Variants in SDK1 observed in about 807,000 individuals in gnomAD.
SDK1 encodes sidekick cell adhesion molecule 1.
A neutral mutation model predicts 245.5 loss-of-function variants in SDK1; 157 were observed. That is an observed-to-expected ratio of 0.64 (90% CI 0.56 to 0.73). The LOEUF is 0.73. Ranked by LOEUF, SDK1 falls within the 30% of genes least tolerant of loss-of-function variation. The pLI, the probability that SDK1 is intolerant of heterozygous loss-of-function variation, is 0.00. For synonymous variants in SDK1, 1,647 were observed against 1,278.5 expected, an observed-to-expected ratio of 1.29 and a Z score of -6.15; for missense variants, 3,583 against 3,002.3, an observed-to-expected ratio of 1.19 and a Z score of -4.52.
At chr7:3,979,384 C>G (rs1483232837) in intron 13 of SDK1, among the ~76,000 whole-genome samples, 1 of 152,134 alleles carries the variant, frequency 6.6e-6, no homozygotes, top group Non-Finnish European at 1.5e-5. Context: ...ACTTTCTAGC[C>G]CTTTACCCTG....
intron 4 of SDK1, 49 bp from the exon 5 acceptor site, chr7:3,821,401 G>T: frequency 6.4e-7 from 1 of 1,570,516 alleles, no homozygotes. Flanking sequence ...TTACAAGTAG[G>T]AAGTTCCCTG....
chr7:4,188,981 G>A (rs534291828), intron 35 of SDK1, among the ~76,000 whole-genome samples: 107 of 152,016 alleles, frequency 7.0e-4, no homozygotes, highest in Non-Finnish European at 1.2e-3. Flanking sequence ...GTTTAGGAGG[G>A]CTTGTCTTAT....
At chr7:3,972,436 G>C (rs1296529245) in intron 12 of SDK1, among the ~76,000 whole-genome samples, 2 of 152,180 alleles carry the variant, frequency 1.3e-5, no homozygotes, top group Non-Finnish European at 2.9e-5. Context: ...GGCCAGGAAA[G>C]TAACTGCAAA....
chr7:3,956,425 G>A (rs1781266866), intron 7 of SDK1, among the ~76,000 whole-genome samples: 1 of 152,176 alleles, frequency 6.6e-6, no homozygotes, highest in Non-Finnish European at 1.5e-5. Context: ...AGGAAGGGTT[G>A]GCAGGGAGAG....
At chr7:4,139,611 G>A (rs1406094799) in intron 28 of SDK1, among the ~76,000 whole-genome samples, 8 of 47,076 alleles carry the variant, frequency 1.7e-4, no homozygotes, top group South Asian at 1.0e-3. Context: ...ATATGTGTGT[G>A]TATATGTGTG....
At chr7:3,695,116 A>C (rs1784536011) in intron 4 of SDK1, among the ~76,000 whole-genome samples, 2 of 152,108 alleles carry the variant, frequency 1.3e-5, no homozygotes, top group African/African-American at 4.8e-5. Flanking sequence ...TACATAAGTC[A>C]CTCTTTCTTA....
intron 5 of SDK1, among the ~76,000 whole-genome samples, chr7:3,924,060 G>A (rs148122381): frequency 6.6e-6 from 1 of 152,174 alleles, no homozygotes; most frequent in African/African-American, 2.4e-5. Flanking sequence ...GTGCAGAATG[G>A]GAGGCTCAAA....
At chr7:3,490,855 C>G (rs1451473654) in intron 1 of SDK1, among the ~76,000 whole-genome samples, 1 of 152,156 alleles carries the variant, frequency 6.6e-6, no homozygotes, top group African/African-American at 2.4e-5. Context: ...CTTGGGTGTT[C>G]TTGGAACTCT....
chr7:4,006,129 T>C (rs190698127), intron 14 of SDK1, among the ~76,000 whole-genome samples: 1 of 152,340 alleles, frequency 6.6e-6, no homozygotes, highest in Non-Finnish European at 1.5e-5. Context: ...ACACCTTTAA[T>C]TGAGAAACTG....
At chr7:4,121,282 G>A (rs1044766065) in intron 25 of SDK1, among the ~76,000 whole-genome samples, 4 of 152,110 alleles carry the variant, frequency 2.6e-5, no homozygotes, top group South Asian at 4.2e-4. Context: ...ATGGTGATAC[G>A]GTTTGGCTCC....
chr7:3,443,721 G>T (rs968617420), intron 1 of SDK1, among the ~76,000 whole-genome samples: 35 of 152,238 alleles, frequency 2.3e-4, no homozygotes, highest in African/African-American at 7.7e-4. Context: ...TCAGCTCTGA[G>T]TGACCTTGAA....
intron 5 of SDK1, among the ~76,000 whole-genome samples, chr7:3,928,990 C>T (rs1278985438): frequency 6.6e-6 from 1 of 152,222 alleles, no homozygotes; most frequent in East Asian, 1.9e-4. Flanking sequence ...CTAGACCCAA[C>T]TCTCTGCCCT....
At chr7:3,959,433 T>C (rs1781505232) in intron 8 of SDK1, among the ~76,000 whole-genome samples, 1 of 152,108 alleles carries the variant, frequency 6.6e-6, no homozygotes. Context: ...TGGGTGTACA[T>C]GTATTTGTAG....
Position 3,782,495 on chromosome 7 carries a change from A to G in SDK1, c.714-38955A>G, listed in dbSNP as rs554507290. On this transcript the variant is annotated intron_variant, in intron 4 of 44. Coordinates refer to ENST00000404826, the MANE Select transcript of SDK1 (RefSeq NM_152744.4). ...AGTTCTCCAATCAAATTCAACCCAT[A>G]GAAGAGTTTACCAAGGCACATAGTA... is the stretch of plus-strand genomic sequence containing the variant. Among the ~76,000 whole-genome samples the G allele has an allele frequency of 5.9e-5, 9 of 152,318 alleles. No homozygotes were observed. The South Asian group carries it at 8.3e-4, about 14-fold the overall frequency.
intron 4 of SDK1, among the ~76,000 whole-genome samples, chr7:3,672,431 C>T (rs1427213114): frequency 6.6e-6 from 1 of 150,926 alleles, no homozygotes; most frequent in East Asian, 2.0e-4. Flanking sequence ...CTACTGCAAA[C>T]TCTTGAGGAA....
chr7:3,707,178 T>C (rs972659764), intron 4 of SDK1, among the ~76,000 whole-genome samples: 1 of 152,226 alleles, frequency 6.6e-6, no homozygotes, highest in South Asian at 2.1e-4. Flanking sequence ...GAATTTTTTG[T>C]GGAGGCACTT....
intron 25 of SDK1, among the ~76,000 whole-genome samples, chr7:4,120,911 C>T (rs965817911): frequency 4.2e-4 from 63 of 149,420 alleles, no homozygotes; most frequent in Admixed American, 2.7e-4. Flanking sequence ...CCACCACACC[C>T]GGCCAAGAAC....
At chr7:3,696,572 TTGTGTGTGTG>T (rs71552319) in intron 4 of SDK1, among the ~76,000 whole-genome samples, 1 of 147,906 alleles carries the variant, frequency 6.8e-6, no homozygotes, top group Non-Finnish European at 1.5e-5. Flanking sequence ...TTCTCTGTGT[TTGTGTGTGTG>T]TGTGTGTGTG....
chr7:3,875,616 TC>T, intron 5 of SDK1, among the ~76,000 whole-genome samples: 1 of 152,180 alleles, frequency 6.6e-6, no homozygotes, highest in East Asian at 1.9e-4. Context: ...CTCTATGGGT[TC>T]CACGGAACCC....
Sources: gnomAD v4.1 joint callset for allele counts (sites outside exome capture counted in the v4.1 genomes callset) on GRCh38, gnomAD v4.1.1 for gene constraint, MANE v1.5 for transcripts, NCBI Gene and HGNC (gene_info 2026-07-23, HGNC 2026-07-21) for gene names.